The following CFDP1 variants were observed in gnomAD, a reference collection of about 807,000 sequenced individuals.
The protein encoded by CFDP1 is heterochromatin-stabilizing protein CFDP1.
A neutral mutation model predicts 40.1 loss-of-function variants in CFDP1; 31 were observed. That is an observed-to-expected ratio of 0.77 (90% CI 0.58 to 1.04). The LOEUF (loss-of-function observed/expected upper bound fraction) is 1.04, where lower values mean the gene tolerates loss of function less well. Among genes scored for constraint, CFDP1 ranks in the 50% least tolerant of loss-of-function variants. CFDP1 has a pLI of 0.00. For synonymous variants in CFDP1, 167 were observed against 120.0 expected (o/e 1.39, Z -2.56); for missense variants, 423 against 343.4 (o/e 1.23, Z -1.83).
rs1289762530 is a variant in CFDP1 at position 75,293,947 on chromosome 16, T to C, written c.*5A>G. On this transcript the variant is annotated 3_prime_UTR_variant, in exon 7 of 7. Coordinates refer to ENST00000283882, the MANE Select transcript of CFDP1 (RefSeq NM_006324.3). ...ATTAAGCTGCTCTTGATTTAGCCCG[T>C]AACATCAAGGTTTCATTTTGCTCAG... 6.2e-7 allele frequency: 1 copy of C among 1,611,596 alleles called. No individual in the cohort carries two copies.
At chr16:75,377,635 T>G (rs1383857419) in intron 5 of CFDP1, among the ~76,000 whole-genome samples, 2 of 152,182 alleles carry the variant, frequency 1.3e-5, no homozygotes, top group Non-Finnish European at 2.9e-5. Flanking sequence ...TCTAGTCAAT[T>G]TAGTTCCAAA....
At chr16:75,372,631 T>G (rs939752947) in intron 5 of CFDP1, 1 of 152,240 alleles carries the variant, frequency 6.6e-6, no homozygotes, top group African/African-American at 2.4e-5. Flanking sequence ...CAGGGTTTAG[T>G]CTGGAAGCCA....
At chr16:75,342,246 C>G (rs898061765) in intron 5 of CFDP1, among the ~76,000 whole-genome samples, 3 of 152,118 alleles carry the variant, frequency 2.0e-5, no homozygotes, top group Non-Finnish European at 4.4e-5. Flanking sequence ...TTTGAATTAC[C>G]ATTGCTGGAA....
At chr16:75,347,383 GAAAA>G (rs2078576889) in intron 5 of CFDP1, among the ~76,000 whole-genome samples, 1 of 111,648 alleles carries the variant, frequency 9.0e-6, no homozygotes, top group African/African-American at 3.2e-5. Context: ...AAAAGAAAAA[GAAAA>G]AAGAAAAAAA....
intron 5 of CFDP1, among the ~76,000 whole-genome samples, chr16:75,325,732 T>C (rs2078396585): frequency 6.6e-6 from 1 of 152,216 alleles, no homozygotes; most frequent in South Asian, 2.1e-4. Flanking sequence ...GGAAACCATA[T>C]CAATGTCATA....
intron 1 of CFDP1, among the ~76,000 whole-genome samples, chr16:75,418,544 T>C (rs2151592830): frequency 6.6e-6 from 1 of 151,990 alleles, no homozygotes; most frequent in Non-Finnish European, 1.5e-5. Context: ...CTCCTGACCT[T>C]GTGATCCGCC....
intron 4 of CFDP1, chr16:75,409,502 T>C (rs1312851458): frequency 1.3e-5 from 2 of 152,232 alleles, no homozygotes; most frequent in Non-Finnish European, 2.9e-5. Flanking sequence ...TTTGTTTTTC[T>C]AGTAATTCCT....
chr16:75,384,022 T>C (rs7203157), intron 5 of CFDP1, among the ~76,000 whole-genome samples: 79,063 of 151,890 alleles, frequency 0.52, 21,616 homozygotes, highest in Admixed American at 0.64. Context: ...ATACACAAAA[T>C]AATATTAGTT....
chr16:75,383,909 T>A (rs774840714), intron 5 of CFDP1, among the ~76,000 whole-genome samples: 2 of 152,080 alleles, frequency 1.3e-5, no homozygotes, highest in Non-Finnish European at 2.9e-5. Context: ...CCTGATCTCT[T>A]AAATGACTGA....
chr16:75,303,594 C>T (rs868417936), intron 6 of CFDP1, among the ~76,000 whole-genome samples: 70 of 146,930 alleles, frequency 4.8e-4, no homozygotes, highest in African/African-American at 1.6e-3. Context: ...CATAGGAGGC[C>T]GAGGCAGGAG....
At chr16:75,315,640 T>C (rs1250577392) in intron 5 of CFDP1, among the ~76,000 whole-genome samples, 1 of 152,186 alleles carries the variant, frequency 6.6e-6, no homozygotes, top group Non-Finnish European at 1.5e-5. Flanking sequence ...TAAATACGCT[T>C]CACTTAGATT....
chr16:75,360,808 AAT>A (rs1208525465), intron 5 of CFDP1, among the ~76,000 whole-genome samples: 1 of 152,246 alleles, frequency 6.6e-6, no homozygotes, highest in Non-Finnish European at 1.5e-5. Context: ...GTTAATTTTC[AAT>A]AGACAAATTT....
At chr16:75,373,461 G>A (rs540813700) in intron 5 of CFDP1, among the ~76,000 whole-genome samples, 1 of 152,188 alleles carries the variant, frequency 6.6e-6, no homozygotes, top group Admixed American at 6.5e-5. Context: ...TTCACATGGT[G>A]GGTAATATAA....
chr16:75,309,524 A>C (rs149735133), intron 5 of CFDP1, among the ~76,000 whole-genome samples: 2,261 of 152,170 alleles, frequency 0.015, 20 homozygotes, highest in Non-Finnish European at 0.024. Flanking sequence ...ATTTGTTTTC[A>C]TCAAGAACCA....
chr16:75,361,608 C>G (rs2078679792), intron 5 of CFDP1, among the ~76,000 whole-genome samples: 1 of 152,012 alleles, frequency 6.6e-6, no homozygotes. Context: ...CAGAGCAAGA[C>G]TATGTCTCAA....
chr16:75,307,473 C>T (rs1299847542), intron 5 of CFDP1, among the ~76,000 whole-genome samples: 2 of 151,910 alleles, frequency 1.3e-5, no homozygotes, highest in Non-Finnish European at 2.9e-5. Context: ...CACCTCGGCC[C>T]CCCAAAGTGC....
chr16:75,313,446 C>T (rs1328223322), intron 5 of CFDP1, among the ~76,000 whole-genome samples: 1 of 152,196 alleles, frequency 6.6e-6, no homozygotes, highest in East Asian at 1.9e-4. Context: ...TCTCCTGCCT[C>T]AGCCTCCTGA....
chr16:75,401,570 A>C (rs1218070225), intron 4 of CFDP1, among the ~76,000 whole-genome samples: 1 of 152,140 alleles, frequency 6.6e-6, no homozygotes, highest in South Asian at 2.1e-4. Flanking sequence ...ACTACACTCC[A>C]GTCTGGGCGA....
At chr16:75,298,391 G>A (rs2078198994) in intron 6 of CFDP1, among the ~76,000 whole-genome samples, 1 of 152,166 alleles carries the variant, frequency 6.6e-6, no homozygotes, top group Non-Finnish European at 1.5e-5. Context: ...GATGCCTCCT[G>A]CACCGCTGGT....
Sources: allele counts gnomAD v4.1 joint callset (sites outside exome capture counted in the v4.1 genomes callset), GRCh38; gene constraint gnomAD v4.1.1; transcripts MANE v1.5; gene names NCBI Gene and HGNC (gene_info 2026-07-23, HGNC 2026-07-21).